POLR1C: variants seen among roughly 807,000 people sequenced by gnomAD.
The protein encoded by POLR1C is RNA polymerase I and III subunit C.
A neutral mutation model predicts 38.3 loss-of-function variants in POLR1C; 42 were observed. The ratio of observed to expected loss-of-function variants is 1.10; its 90% CI spans 0.86 to 1.42. The LOEUF is 1.42. POLR1C is among the 40% of genes most tolerant of loss of function. POLR1C has a pLI of 0.00. For missense variants in POLR1C, 507 were observed against 450.5 expected (o/e 1.13, Z -1.14); for synonymous variants, 163 against 163.9 (o/e 0.99, Z 0.04).
At chr6:43,547,810 G>T in intron 9 of POLR1C, 1 of 907,010 alleles carries the variant, frequency 1.1e-6, no homozygotes, top group Non-Finnish European at 1.7e-6. Flanking sequence ...CTTAAGAGCA[G>T]TTTTTATAGT....
downstream of POLR1C, chr6:43,523,836 A>G: frequency 6.2e-7 from 1 of 1,613,986 alleles, no homozygotes; most frequent in Non-Finnish European, 8.5e-7. Context: ...AGATGACAAG[A>G]AAGGCCGAGG....
chr6:43,546,288 T>C (rs528860245), intron 9 of POLR1C, among the ~76,000 whole-genome samples: 3 of 151,650 alleles, frequency 2.0e-5, no homozygotes, highest in East Asian at 1.9e-4. Flanking sequence ...CAAGTAAAAA[T>C]AGGGATGAAG....
intron 8 of POLR1C, chr6:43,529,068 T>TA (rs1469687718): frequency 2.8e-5 from 31 of 1,107,526 alleles, no homozygotes; most frequent in Non-Finnish European, 3.9e-5. Flanking sequence ...GAAAAAATCT[T>TA]AAAGTTCTTT....
chr6:43,529,300 T>C (rs770057530), exon 9 of POLR1C: 2 of 1,154,742 alleles, frequency 1.7e-6, no homozygotes, highest in Non-Finnish European at 2.4e-6. Context: ...CCCAGCACTT[T>C]GGGAGGCCAA....
At chr6:43,527,136 C>T (rs6458339) in intron 8 of POLR1C, 6,061 of 231,128 alleles carry the variant, frequency 0.026, 386 homozygotes, top group African/African-American at 0.13. Context: ...GGAAGTTATT[C>T]CTAATGAATC....
At chr6:43,559,356 A>C (rs553850859) in intron 10 of POLR1C, among the ~76,000 whole-genome samples, 1 of 152,364 alleles carries the variant, frequency 6.6e-6, no homozygotes, top group South Asian at 2.1e-4. Flanking sequence ...TAAGAAAATA[A>C]GGGGACCCTT....
chr6:43,524,052 A>G, downstream of POLR1C: 1 of 1,595,168 alleles, frequency 6.3e-7, no homozygotes. Flanking sequence ...CCTCAGTAGT[A>G]GTTAAAAGAT....
downstream of POLR1C, chr6:43,533,661 ACT>A: frequency 3.4e-6 from 1 of 296,396 alleles, no homozygotes; most frequent in East Asian, 7.7e-5. Context: ...ACATAGCAAG[ACT>A]CTGTCTCAAC....
At chr6:43,530,828 T>G (rs1179821664), downstream of POLR1C, 1 of 1,605,876 alleles carries the variant, frequency 6.2e-7, no homozygotes, top group East Asian at 2.2e-5. Context: ...ATGAAAACTG[T>G]AAAGGGGAAA....
intron 10 of POLR1C, among the ~76,000 whole-genome samples, chr6:43,554,241 G>A (rs1761893638): frequency 6.6e-6 from 1 of 151,828 alleles, no homozygotes; most frequent in Admixed American, 6.6e-5. Flanking sequence ...AAGTAGCTGG[G>A]ATTACAGCCA....
At chr6:43,540,553 T>C (rs894550618) in intron 9 of POLR1C, among the ~76,000 whole-genome samples, 2 of 152,170 alleles carry the variant, frequency 1.3e-5, no homozygotes, top group Non-Finnish European at 2.9e-5. Context: ...CTCAGGAGGC[T>C]GAGACAGGAG....
intron 10 of POLR1C, chr6:43,551,128 T>C (rs926426337): frequency 1.6e-5 from 9 of 565,006 alleles, no homozygotes; most frequent in South Asian, 1.4e-4. Context: ...TGGTTGTGCA[T>C]GCTTGTAGTC....
At chr6:43,524,951 C>T (rs766280124), downstream of POLR1C, 16 of 1,613,528 alleles carry the variant, frequency 9.9e-6, no homozygotes, top group Non-Finnish European at 1.4e-5. Context: ...CATCTGCGAG[C>T]AGTGTCCCTG....
chr6:43,526,022 T>C, downstream of POLR1C: 10 of 1,359,800 alleles, frequency 7.4e-6, no homozygotes, highest in Non-Finnish European at 1.0e-5. Flanking sequence ...CTGAGTGTTC[T>C]AGGCTAAGTG....
At chr6:43,536,790 A>AAAAAAG (rs1794357352) in intron 9 of POLR1C, among the ~76,000 whole-genome samples, 1 of 133,842 alleles carries the variant, frequency 7.5e-6, no homozygotes, top group African/African-American at 2.8e-5. Flanking sequence ...AAAAAAAAAA[A>AAAAAAG]GCAGCTTTAC....
At chr6:43,534,148 A>G (rs753216281), downstream of POLR1C, 2 of 526,280 alleles carry the variant, frequency 3.8e-6, no homozygotes, top group Non-Finnish European at 6.8e-6. Flanking sequence ...GAAGGTATAA[A>G]TATCTGAATG....
chr6:43,554,310 A>G (rs1015512356), intron 10 of POLR1C, among the ~76,000 whole-genome samples: 22 of 151,250 alleles, frequency 1.5e-4, no homozygotes, highest in Admixed American at 9.9e-4. Context: ...ACGAGGTTTC[A>G]CCATCTTGGC....
chr6:43,517,257 G>T (rs1422108675), intron 1 of POLR1C, 49 bp from the exon 2 acceptor site: 1 of 1,607,520 alleles, frequency 6.2e-7, no homozygotes, highest in South Asian at 1.1e-5. Flanking sequence ...CGTGGGGATA[G>T]CTGTGGGCTC....
chr6:43,552,703 T>C (rs762825767), intron 10 of POLR1C, among the ~76,000 whole-genome samples: 1 of 152,226 alleles, frequency 6.6e-6, no homozygotes, highest in Non-Finnish European at 1.5e-5. Flanking sequence ...ATATCTTTTG[T>C]CTATTTCTCT....
Sources: gnomAD v4.1 joint callset for allele counts (sites outside exome capture counted in the v4.1 genomes callset) on GRCh38, gnomAD v4.1.1 for gene constraint, MANE v1.5 for transcripts, NCBI Gene and HGNC (gene_info 2026-07-23, HGNC 2026-07-21) for gene names.